GRIK2: variants seen among roughly 807,000 people sequenced by gnomAD.
GRIK2 encodes glutamate receptor ionotropic, kainate 2.
In GRIK2, 32 loss-of-function variants were observed where a neutral mutation model predicts 100.3. That is an observed-to-expected ratio of 0.32 (90% CI 0.24 to 0.43). The LOEUF is 0.43. GRIK2 is among the 20% of genes least tolerant of loss of function. GRIK2 has a pLI of 1.00. For missense variants in GRIK2, 843 were observed against 1,114.9 expected (o/e 0.76, Z 3.47); for synonymous variants, 417 against 389.4 (o/e 1.07, Z -0.83).
At chr6:101,664,975 TG>T (rs1388110400) in intron 4 of GRIK2, among the ~76,000 whole-genome samples, 1 of 152,168 alleles carries the variant, frequency 6.6e-6, no homozygotes, top group East Asian at 1.9e-4. Flanking sequence ...TACCTCCCAC[TG>T]GGCCCCTCGC....
chr6:102,026,665 T>C (rs1275067805), intron 14 of GRIK2, among the ~76,000 whole-genome samples: 1 of 151,252 alleles, frequency 6.6e-6, no homozygotes, highest in Non-Finnish European at 1.5e-5. Context: ...CTGCCTATCC[T>C]ATTATGCTTA....
At chr6:101,501,743 A>G (rs529202842) in intron 2 of GRIK2, among the ~76,000 whole-genome samples, 3 of 152,054 alleles carry the variant, frequency 2.0e-5, no homozygotes, top group Non-Finnish European at 4.4e-5. Context: ...AAAGTTCCTT[A>G]GCATGTTTTT....
rs181553221 is a variant in GRIK2 at position 101,677,398 on chromosome 6, T to C, written c.723+594T>C. ...AAGTATTCATTCCAGAATAAAGCAT[T>C]GCCTGACAAAAACCAACCAACCAAC... On this transcript the variant is annotated intron_variant, in intron 5 of 16. Coordinates refer to ENST00000369134, the MANE Select transcript of GRIK2 (RefSeq NM_021956.5). Among the ~76,000 whole-genome samples, 4 of 152,216 alleles carry C rather than the reference T, an allele frequency of 2.6e-5. No homozygotes were observed. The East Asian group carries it at 7.7e-4, about 29-fold the overall frequency.
At chr6:101,479,606 A>G (rs961210860) in intron 2 of GRIK2, among the ~76,000 whole-genome samples, 5 of 152,114 alleles carry the variant, frequency 3.3e-5, no homozygotes, top group African/African-American at 1.2e-4. Flanking sequence ...ATGGTTTTTC[A>G]TGGGCTAAGT....
At chr6:101,656,692 G>T (rs975087494) in intron 4 of GRIK2, among the ~76,000 whole-genome samples, 1 of 152,106 alleles carries the variant, frequency 6.6e-6, no homozygotes, top group East Asian at 1.9e-4. Context: ...AACACAGAAA[G>T]CTTCCCAGTT....
At chr6:101,828,284 TAAG>T (rs1334010224) in intron 10 of GRIK2, among the ~76,000 whole-genome samples, 1 of 151,928 alleles carries the variant, frequency 6.6e-6, no homozygotes, top group African/African-American at 2.4e-5. Context: ...AAAGCAGTGA[TAAG>T]AAGAAAGTTT....
At chr6:101,979,707 T>C (rs1042891889) in intron 14 of GRIK2, among the ~76,000 whole-genome samples, 2 of 151,948 alleles carry the variant, frequency 1.3e-5, no homozygotes, top group African/African-American at 4.8e-5. Context: ...CACACCCCCT[T>C]CATCTTGGTG....
At chr6:101,794,234 C>G (rs1780123257) in intron 7 of GRIK2, among the ~76,000 whole-genome samples, 1 of 152,158 alleles carries the variant, frequency 6.6e-6, no homozygotes, top group Non-Finnish European at 1.5e-5. Flanking sequence ...TGCCCACTGT[C>G]TGGCACTCCC....
intron 12 of GRIK2, among the ~76,000 whole-genome samples, chr6:101,919,170 T>C (rs1184039219): frequency 6.6e-6 from 1 of 151,752 alleles, no homozygotes; most frequent in African/African-American, 2.4e-5. Flanking sequence ...TTAATAGATA[T>C]TGATTCTACA....
chr6:101,686,502 T>C, intron 7 of GRIK2, 149 bp downstream of exon 7: 1 of 577,086 alleles, frequency 1.7e-6, no homozygotes, highest in East Asian at 2.8e-5. Context: ...CAAATACTTG[T>C]ATTAACAATT....
chr6:101,459,056 C>A (rs1456972708), intron 2 of GRIK2, among the ~76,000 whole-genome samples: 4 of 151,614 alleles, frequency 2.6e-5, no homozygotes, highest in Non-Finnish European at 4.4e-5. Context: ...TTCTCTGCTG[C>A]TTTCTGCTTC....
At chr6:101,719,344 G>T (rs1199007096) in intron 7 of GRIK2, among the ~76,000 whole-genome samples, 2 of 151,666 alleles carry the variant, frequency 1.3e-5, no homozygotes, top group Non-Finnish European at 2.9e-5. Flanking sequence ...CTAGAGCAGA[G>T]GAGTTGTTAA....
chr6:101,441,352 C>T (rs1770039363), intron 2 of GRIK2, among the ~76,000 whole-genome samples: 2 of 152,116 alleles, frequency 1.3e-5, no homozygotes. Flanking sequence ...TGTTCTGATA[C>T]CACAGTGTAA....
intron 2 of GRIK2, among the ~76,000 whole-genome samples, chr6:101,405,403 T>A (rs1001046264): frequency 2.6e-5 from 4 of 151,930 alleles, no homozygotes; most frequent in Non-Finnish European, 5.9e-5. Context: ...AAATTGAGCA[T>A]ATACAGTGTG....
chr6:101,699,388 A>C (rs1772722690), intron 7 of GRIK2, among the ~76,000 whole-genome samples: 1 of 152,072 alleles, frequency 6.6e-6, no homozygotes, highest in Non-Finnish European at 1.5e-5. Flanking sequence ...TTCTTTATGC[A>C]ACAAAAGGCA....
rs952612184 is a variant in GRIK2, at chr6:101,527,904, G to A, written c.116-94045G>A. Reference sequence around the variant, plus strand: ...TTTTCCTTGTAGACCAAGGAAAATAGTTAATTCTTGAGTGGTTAATTATTC... The same window carrying A: ...TTTTCCTTGTAGACCAAGGAAAATAATTAATTCTTGAGTGGTTAATTATTC... On this transcript the variant is annotated intron_variant, in intron 2 of 16. Coordinates refer to ENST00000369134, the MANE Select transcript of GRIK2 (RefSeq NM_021956.5). Among the ~76,000 whole-genome samples the A allele has an allele frequency of 8.5e-5, 13 of 152,242 alleles. No homozygotes were observed. In the South Asian group the frequency reaches 1.2e-3, roughly 15 times the overall value.
At chr6:102,053,576 T>A (rs992413540) in intron 15 of GRIK2, among the ~76,000 whole-genome samples, 1 of 152,206 alleles carries the variant, frequency 6.6e-6, no homozygotes, top group African/African-American at 2.4e-5. Context: ...TAGTGTTCTT[T>A]AGTGTTTATG....
intron 15 of GRIK2, among the ~76,000 whole-genome samples, chr6:102,050,695 G>A (rs1360651189): frequency 7.0e-6 from 1 of 142,374 alleles, no homozygotes; most frequent in Admixed American, 7.1e-5. Context: ...AGAGAGTACA[G>A]GAAAGGCAAA....
intron 12 of GRIK2, among the ~76,000 whole-genome samples, chr6:101,908,735 A>C (rs947849123): frequency 2.6e-5 from 4 of 151,378 alleles, no homozygotes; most frequent in Non-Finnish European, 5.9e-5. Context: ...CATTCAAGTA[A>C]AAATATTTCT....
Sources: allele counts gnomAD v4.1 joint callset (sites outside exome capture counted in the v4.1 genomes callset), GRCh38; gene constraint gnomAD v4.1.1; transcripts MANE v1.5; gene names NCBI Gene and HGNC (gene_info 2026-07-23, HGNC 2026-07-21).